CLEC2A: variants seen among roughly 807,000 people sequenced by gnomAD.
CLEC2A encodes the protein C-type lectin domain family 2 member A, also known as keratinocyte-associated C-type lectin.
CLEC2A carries 19 observed loss-of-function variants against 18.6 expected under a neutral mutation model. The observed-to-expected ratio is 1.02, with a 90% CI of 0.71 to 1.50. The LOEUF (loss-of-function observed/expected upper bound fraction) is 1.50, where lower values mean the gene tolerates loss of function less well. Ranked by LOEUF, CLEC2A falls within the 40% of genes most tolerant of loss-of-function variation. CLEC2A has a pLI of 0.00. For missense variants in CLEC2A, 190 were observed against 207.9 expected (o/e 0.91, Z 0.53); for synonymous variants, 74 against 64.0 (o/e 1.16, Z -0.75).
chr12:9,922,902 C>G (rs1220991348), intron 2 of CLEC2A, among the ~76,000 whole-genome samples: 1 of 152,114 alleles, frequency 6.6e-6, no homozygotes, highest in East Asian at 1.9e-4. Context: ...AAAGGCTGCA[C>G]CCCCTACTCC....
intron 1 of CLEC2A, among the ~76,000 whole-genome samples, chr12:9,928,203 T>C (rs1336665396): frequency 2.0e-5 from 3 of 152,154 alleles, no homozygotes; most frequent in Non-Finnish European, 4.4e-5. Context: ...CAGTGGCTCA[T>C]GCCTGTAATC....
intron 1 of CLEC2A, among the ~76,000 whole-genome samples, chr12:9,928,840 A>G (rs1863322454): frequency 6.6e-6 from 1 of 152,244 alleles, no homozygotes; most frequent in Non-Finnish European, 1.5e-5. Context: ...AAAGACTGAC[A>G]GCACCAAGTG....
At chr12:9,915,445 A>C (rs1038482060) in intron 4 of CLEC2A, among the ~76,000 whole-genome samples, 3 of 152,202 alleles carry the variant, frequency 2.0e-5, no homozygotes, top group Non-Finnish European at 4.4e-5. Flanking sequence ...AAAACATGGA[A>C]TCAACCCAAA....
intron 2 of CLEC2A, among the ~76,000 whole-genome samples, chr12:9,922,519 G>T (rs1206631212): frequency 1.3e-5 from 2 of 152,170 alleles, no homozygotes; most frequent in Non-Finnish European, 2.9e-5. Flanking sequence ...TGCATAAAAT[G>T]TAGCTATAAA....
chr12:9,887,079 A>G, the CLEC2A span, among the ~76,000 whole-genome samples: 1 of 152,186 alleles, frequency 6.6e-6, no homozygotes, highest in African/African-American at 2.4e-5. Context: ...CTATTTATCC[A>G]GAAAGGTCAA....
intron 1 of CLEC2A, 90 bp downstream of exon 1, chr12:9,932,185 A>C (rs1352150716): frequency 1.1e-6 from 1 of 942,166 alleles, no homozygotes; most frequent in Non-Finnish European, 1.7e-6. Context: ...GTAGACTTTC[A>C]CAGTAAGTAA....
At chr12:9,906,808 TCTGA>T (rs1862913990) in intron 4 of CLEC2A, among the ~76,000 whole-genome samples, 1 of 152,218 alleles carries the variant, frequency 6.6e-6, no homozygotes, top group African/African-American at 2.4e-5. Flanking sequence ...CTAAATCTGG[TCTGA>T]CTTTTGTGTG....
At chr12:9,905,099 G>A (rs1408839939) in intron 4 of CLEC2A, among the ~76,000 whole-genome samples, 2 of 152,192 alleles carry the variant, frequency 1.3e-5, no homozygotes, top group African/African-American at 4.8e-5. Context: ...GTGACTTTCT[G>A]CTGGAAAGAA....
chr12:9,917,727 T>A (rs763749274), intron 3 of CLEC2A, among the ~76,000 whole-genome samples: 18 of 152,220 alleles, frequency 1.2e-4, no homozygotes, highest in Non-Finnish European at 2.2e-4. Flanking sequence ...CAACCAATAG[T>A]GTATAAGTGT....
At chr12:9,893,613 C>G in the CLEC2A span, 2 of 541,112 alleles carry the variant, frequency 3.7e-6, no homozygotes, top group Non-Finnish European at 6.1e-6. Flanking sequence ...TCTTCACTTT[C>G]CATTCTTTTT....
At chr12:9,884,975 T>G in the CLEC2A span, 1 of 1,350,104 alleles carries the variant, frequency 7.4e-7, no homozygotes, top group Non-Finnish European at 9.6e-7. Flanking sequence ...TCTGCTCATA[T>G]TTGGATGCAT....
intron 3 of CLEC2A, among the ~76,000 whole-genome samples, chr12:9,918,601 T>C (rs1288502299): frequency 6.6e-6 from 1 of 152,250 alleles, no homozygotes; most frequent in Admixed American, 6.5e-5. Context: ...TGATTCCATA[T>C]GAATTTTAAA....
At chr12:9,910,043 A>G (rs1437854879), downstream of CLEC2A, among the ~76,000 whole-genome samples, 3 of 152,182 alleles carry the variant, frequency 2.0e-5, no homozygotes, top group African/African-American at 7.2e-5. Flanking sequence ...AGCATACTCT[A>G]TATCCTCCAG....
At chr12:9,894,209 C>G (rs990241150), downstream of CLEC2A, among the ~76,000 whole-genome samples, 9 of 143,096 alleles carry the variant, frequency 6.3e-5, no homozygotes, top group African/African-American at 2.1e-4. Context: ...TTCAGCAGAG[C>G]CTTGCTCTGT....
chr12:9,889,134 T>TA, the CLEC2A span, among the ~76,000 whole-genome samples: 1 of 152,208 alleles, frequency 6.6e-6, no homozygotes. Context: ...GGGCTTGAGA[T>TA]AGACCTATGT....
chr12:9,884,751 C>T, the CLEC2A span, among the ~76,000 whole-genome samples: 4 of 151,256 alleles, frequency 2.6e-5, no homozygotes, highest in East Asian at 3.9e-4. Flanking sequence ...CAATCCAAAA[C>T]GTTTAATAAT....
intron 3 of CLEC2A, among the ~76,000 whole-genome samples, chr12:9,918,448 A>C (rs564574826): frequency 6.6e-6 from 1 of 152,124 alleles, no homozygotes; most frequent in East Asian, 1.9e-4. Flanking sequence ...ATTCTGTTCC[A>C]CTGGTCTATG....
In CLEC2A at chr12:9,898,899, G is replaced by A. The variant is rs1259297027; in HGVS notation, c.*5C>T. On this transcript the variant is annotated 3_prime_UTR_variant, in exon 5 of 5. Transcript: ENST00000339766. ...GGAAACGGCAGTCAGAGCTCCCTCA[G>A]AGGCCTATCTAAGGGGTCCCAGCAG... The A allele has an allele frequency of 5.6e-6, 4 of 714,794 alleles. No homozygotes were observed. The East Asian group carries it at 1.1e-4, about 19-fold the overall frequency. 44.3% of individuals were successfully genotyped at this position (714,794 alleles called of 1,614,324 possible).
At chr12:9,916,043 T>C (rs1245332992) in intron 4 of CLEC2A, among the ~76,000 whole-genome samples, 1 of 151,608 alleles carries the variant, frequency 6.6e-6, no homozygotes, top group Non-Finnish European at 1.5e-5. Flanking sequence ...GAAACAATTA[T>C]ATAAATAAAA....
Sources: gnomAD v4.1 joint callset for allele counts (sites outside exome capture counted in the v4.1 genomes callset) on GRCh38, gnomAD v4.1.1 for gene constraint, MANE v1.5 for transcripts, NCBI Gene and HGNC (gene_info 2026-07-23, HGNC 2026-07-21) for gene names.